Variants in TBC1D9 observed in about 807,000 individuals in gnomAD.
TBC1D9 encodes the protein TBC1 domain family member 9.
TBC1D9 carries 63 observed loss-of-function variants against 132.0 expected under a neutral mutation model. The observed-to-expected ratio is 0.48, with a 90% CI of 0.39 to 0.59. TBC1D9 has a LOEUF of 0.59. Ranked by LOEUF, TBC1D9 falls within the 20% of genes least tolerant of loss-of-function variation. TBC1D9 has a pLI of 0.00. For missense variants in TBC1D9, 1,261 were observed against 1,592.7 expected, an observed-to-expected ratio of 0.79 and a Z score of 3.54; for synonymous variants, 610 against 609.9, an observed-to-expected ratio of 1.00 and a Z score of 0.00.
chr4:140,737,301 G>C (rs1326053134), intron 1 of TBC1D9, among the ~76,000 whole-genome samples: 1 of 152,044 alleles, frequency 6.6e-6, no homozygotes, highest in African/African-American at 2.4e-5. Context: ...AAGAGGGACA[G>C]CCAGGGCAAC....
intron 1 of TBC1D9, among the ~76,000 whole-genome samples, chr4:140,738,265 T>G: frequency 6.6e-6 from 1 of 152,186 alleles, no homozygotes; most frequent in East Asian, 1.9e-4. Context: ...CTGCCTTCCT[T>G]TTGTTCCCAA....
At chr4:140,753,487 C>A (rs1224664169) in intron 1 of TBC1D9, among the ~76,000 whole-genome samples, 1 of 152,182 alleles carries the variant, frequency 6.6e-6, no homozygotes, top group Non-Finnish European at 1.5e-5. Flanking sequence ...GTACTCCCCA[C>A]TCCCTTTCTG....
intron 9 of TBC1D9, among the ~76,000 whole-genome samples, chr4:140,665,109 G>GA (rs373062026): frequency 0.11 from 6,714 of 60,054 alleles, 213 homozygotes; most frequent in Non-Finnish European, 0.14. Context: ...TCAGTCTCCA[G>GA]AAAAAAAAAA....
intron 6 of TBC1D9, among the ~76,000 whole-genome samples, chr4:140,674,692 T>TATA (rs33953361): frequency 2.3e-5 from 3 of 131,560 alleles, no homozygotes; most frequent in African/African-American, 8.3e-5. Flanking sequence ...TATATATATA[T>TATA]TTTTTTTTAA....
At chr4:140,677,161 C>T in intron 5 of TBC1D9, 60 bp from the exon 6 acceptor site, 1 of 1,586,662 alleles carries the variant, frequency 6.3e-7, no homozygotes, top group Non-Finnish European at 8.6e-7. Flanking sequence ...CTAAATTATG[C>T]AGCAGCGGAA....
At chr4:140,736,189 G>A (rs891287380) in intron 1 of TBC1D9, among the ~76,000 whole-genome samples, 13 of 151,860 alleles carry the variant, frequency 8.6e-5, no homozygotes, top group African/African-American at 2.7e-4. Flanking sequence ...GAAGGAGAGA[G>A]TGAGGGGGAA....
chr4:140,704,086 T>C (rs1384654222), intron 1 of TBC1D9, among the ~76,000 whole-genome samples: 1 of 152,156 alleles, frequency 6.6e-6, no homozygotes, highest in Non-Finnish European at 1.5e-5. Context: ...AGTCTGGGTT[T>C]AGAGGGTTGC....
intron 9 of TBC1D9, among the ~76,000 whole-genome samples, chr4:140,664,831 G>A (rs180938964): frequency 3.9e-5 from 6 of 152,186 alleles, no homozygotes; most frequent in South Asian, 2.1e-4. Flanking sequence ...ACTCAAGGCC[G>A]GGTGCAGTGG....
At chr4:140,733,947 C>T (rs916786009) in intron 1 of TBC1D9, among the ~76,000 whole-genome samples, 1 of 151,854 alleles carries the variant, frequency 6.6e-6, no homozygotes, top group African/African-American at 2.4e-5. Flanking sequence ...CTCTTCCTCC[C>T]TCTTCCTTTC....
Position 140,622,323 on chromosome 4 carries a change from C to T in TBC1D9, c.3673G>A (p.Ala1225Thr), listed in dbSNP as rs1177073615. 1 of 1,613,696 alleles carries T rather than the reference C, an allele frequency of 6.2e-7. No individual in the cohort carries two copies. Among genetic ancestry groups the T allele is most frequent in the African/African-American group, 1.3e-5 (1 of 74,950 alleles). Residue 1225 changes from alanine (A) to threonine (T), a missense_variant, in exon 21 of 21, where the codon GCC becomes ACC. Transcript: ENST00000442267. The stretch of plus-strand genomic sequence containing the variant: ...GGCTTGTCAAAGTACTTGACCAGGG[C>T]AGGCTCAGTTAAGAGGGAGGCCAGG... ...QFLASLLTEP[A>T]LVKYFDKPVC...
chr4:140,724,681 G>C (rs1738471645), intron 1 of TBC1D9, among the ~76,000 whole-genome samples: 1 of 149,488 alleles, frequency 6.7e-6, no homozygotes. Flanking sequence ...CACACAAAAG[G>C]CTCATGTACC....
At chr4:140,643,676 G>A in intron 13 of TBC1D9, 1 of 1,163,566 alleles carries the variant, frequency 8.6e-7, no homozygotes. Context: ...CTAGCGTCTC[G>A]GGTGTCAGCT....
intron 15 of TBC1D9, among the ~76,000 whole-genome samples, chr4:140,634,899 G>A (rs1736854091): frequency 6.6e-6 from 1 of 152,122 alleles, no homozygotes; most frequent in African/African-American, 2.4e-5. Context: ...ACCCAGCAAA[G>A]GGCTTCCTGT....
chr4:140,644,928 G>A, intron 13 of TBC1D9: 2 of 450,360 alleles, frequency 4.4e-6, no homozygotes, highest in South Asian at 1.7e-5. Context: ...GAACGCAGGG[G>A]CCATGCCCTA....
At chr4:140,675,424 A>G (rs999170898) in intron 6 of TBC1D9, among the ~76,000 whole-genome samples, 4 of 152,150 alleles carry the variant, frequency 2.6e-5, no homozygotes, top group African/African-American at 9.7e-5. Flanking sequence ...GCTTCCAGAA[A>G]GGACCAGGGT....
At chr4:140,723,810 G>A (rs1738459022) in intron 1 of TBC1D9, among the ~76,000 whole-genome samples, 1 of 152,106 alleles carries the variant, frequency 6.6e-6, no homozygotes, top group Non-Finnish European at 1.5e-5. Context: ...CCAGACTGGA[G>A]TGTGTGGTGT....
intron 1 of TBC1D9, among the ~76,000 whole-genome samples, chr4:140,703,954 A>G (rs1398666022): frequency 1.3e-5 from 2 of 152,226 alleles, no homozygotes; most frequent in Non-Finnish European, 2.9e-5. Flanking sequence ...AATAGGACAC[A>G]TAAATGCATC....
intron 1 of TBC1D9, among the ~76,000 whole-genome samples, chr4:140,705,537 T>TGTGC (rs1738138436): frequency 6.6e-6 from 1 of 151,724 alleles, no homozygotes; most frequent in Non-Finnish European, 1.5e-5. Context: ...TGTGTGTGTG[T>TGTGC]GTGTGCGTTT....
chr4:140,650,738 T>C (rs1343979920), intron 13 of TBC1D9, among the ~76,000 whole-genome samples: 1 of 152,270 alleles, frequency 6.6e-6, no homozygotes, highest in East Asian at 1.9e-4. Flanking sequence ...TTTTGCCACG[T>C]TGGCCAGGTT....
Sources: allele counts gnomAD v4.1 joint callset (sites outside exome capture counted in the v4.1 genomes callset), GRCh38; gene constraint gnomAD v4.1.1; transcripts MANE v1.5; gene names NCBI Gene and HGNC (gene_info 2026-07-23, HGNC 2026-07-21).